The following ATXN7L1 variants were observed in gnomAD, a reference collection of about 807,000 sequenced individuals.
ATXN7L1 encodes the protein ataxin-7-like protein 1.
In ATXN7L1, 15 loss-of-function variants were observed where a neutral mutation model predicts 70.8. The ratio of observed to expected loss-of-function variants is 0.21; its 90% CI spans 0.14 to 0.33. The LOEUF (loss-of-function observed/expected upper bound fraction) is 0.33. Ranked by LOEUF, ATXN7L1 falls within the 10% of genes least tolerant of loss-of-function variation. The probability of loss-of-function intolerance (pLI) is 1.00; values close to 1 mark genes in which losing one functional copy is unlikely to be tolerated. For synonymous variants in ATXN7L1, 440 were observed against 445.1 expected (o/e 0.99, Z 0.14); for missense variants, 975 against 1,097.1 (o/e 0.89, Z 1.57).
intron 3 of ATXN7L1, among the ~76,000 whole-genome samples, chr7:105,695,052 G>A (rs1174092518): frequency 6.6e-6 from 1 of 152,142 alleles, no homozygotes; most frequent in Non-Finnish European, 1.5e-5. Context: ...TCAGGAGGCT[G>A]AGGCAGGAGA....
At chr7:105,620,149 G>T in intron 9 of ATXN7L1, 51 bp downstream of exon 9, 1 of 1,542,512 alleles carries the variant, frequency 6.5e-7, no homozygotes, top group Non-Finnish European at 8.8e-7. Flanking sequence ...TAAGTTTCAG[G>T]TAACTGTGGG....
intron 2 of ATXN7L1, among the ~76,000 whole-genome samples, chr7:105,858,521 G>A (rs62482803): frequency 0.21 from 32,547 of 152,106 alleles, 3,987 homozygotes; most frequent in East Asian, 0.39. Flanking sequence ...CCTTTTGGGG[G>A]ACAGGATATT....
chr7:105,694,703 T>C (rs1164403059), intron 3 of ATXN7L1, among the ~76,000 whole-genome samples: 17 of 152,210 alleles, frequency 1.1e-4, no homozygotes, highest in Non-Finnish European at 2.5e-4. Context: ...AACTGGGATT[T>C]GGAGAGGCTA....
intron 3 of ATXN7L1, among the ~76,000 whole-genome samples, chr7:105,719,517 A>G (rs958649767): frequency 5.9e-5 from 9 of 152,032 alleles, no homozygotes; most frequent in Non-Finnish European, 1.0e-4. Context: ...CTGGGTTGAG[A>G]TTCCCTAGCC....
intron 2 of ATXN7L1, among the ~76,000 whole-genome samples, chr7:105,839,741 G>A (rs1262249334): frequency 2.0e-5 from 3 of 152,094 alleles, no homozygotes; most frequent in Non-Finnish European, 4.4e-5. Context: ...AACACCCATG[G>A]GAAAATACAC....
chr7:105,809,867 C>A (rs1428235222), intron 2 of ATXN7L1, among the ~76,000 whole-genome samples: 2 of 151,940 alleles, frequency 1.3e-5, no homozygotes, highest in African/African-American at 2.4e-5. Flanking sequence ...ACCTCCTGGG[C>A]TCAAGTGATC....
rs1007568700 is a variant in ATXN7L1 at position 105,819,308 on chromosome 7, C to T, written c.251-30600G>A. 2.6e-5 allele frequency among the ~76,000 whole-genome samples: 4 copies of T among 151,936 alleles called. No homozygotes were observed. In the South Asian group the frequency reaches 6.2e-4, roughly 24 times the overall value. On this transcript the variant is annotated intron_variant, in intron 2 of 11. Coordinates refer to ENST00000419735, the MANE Select transcript of ATXN7L1 (RefSeq NM_020725.2). ...CCCTTCAAAGAGTGATAGCCTCATA[C>T]GAGTTTGTACATTTGTTTTATGAAG...
chr7:105,779,525 CT>C (rs911185670), intron 3 of ATXN7L1, among the ~76,000 whole-genome samples: 1 of 152,110 alleles, frequency 6.6e-6, no homozygotes, highest in Non-Finnish European at 1.5e-5. Context: ...TGGGATAATC[CT>C]TCGTTAATCA....
At chr7:105,729,894 C>A (rs574977743) in intron 3 of ATXN7L1, among the ~76,000 whole-genome samples, 2 of 152,070 alleles carry the variant, frequency 1.3e-5, no homozygotes, top group East Asian at 1.9e-4. Context: ...CCTGCCACCA[C>A]GCCCAGCTAA....
At chr7:105,760,205 T>G (rs1800367424) in intron 3 of ATXN7L1, 1 of 984,786 alleles carries the variant, frequency 1.0e-6, no homozygotes, top group Non-Finnish European at 1.2e-6. Flanking sequence ...ATCCAATAGA[T>G]GTTTAATGAC....
At chr7:105,646,611 T>C (rs1432961183) in intron 4 of ATXN7L1, among the ~76,000 whole-genome samples, 3 of 151,862 alleles carry the variant, frequency 2.0e-5, no homozygotes, top group Non-Finnish European at 4.4e-5. Context: ...AGAGATGGGG[T>C]TTCACCATGT....
chr7:105,746,970 T>C lies in ATXN7L1; in HGVS notation c.355+41634A>G, dbSNP rs186125886. On this transcript the variant is annotated intron_variant, in intron 3 of 11. Transcript: ENST00000419735. ...TCTGTGATTTTTTTGAATTTTGTAGTAGATACATGCGCTATCTGTCCAATG... is the reference window on the plus strand; with the variant it reads ...TCTGTGATTTTTTTGAATTTTGTAGCAGATACATGCGCTATCTGTCCAATG... Among the ~76,000 whole-genome samples the C allele has an allele frequency of 2.7e-3, 416 of 152,346 alleles. 1 individual carries two copies. The highest frequency in any genetic ancestry group is 9.7e-3 in the African/African-American group (405 of 41,572).
At chr7:105,680,163 G>C (rs1805345483) in intron 3 of ATXN7L1, among the ~76,000 whole-genome samples, 1 of 152,044 alleles carries the variant, frequency 6.6e-6, no homozygotes, top group Admixed American at 6.5e-5. Context: ...TTTGGACTGT[G>C]GGGAGACAGC....
chr7:105,760,407 A>G, intron 3 of ATXN7L1: 3 of 977,644 alleles, frequency 3.1e-6, no homozygotes, highest in Non-Finnish European at 3.6e-6. Flanking sequence ...AAAACAGCAC[A>G]GCCAGCAGGT....
chr7:105,648,131 G>A (rs899263926), intron 4 of ATXN7L1, among the ~76,000 whole-genome samples: 9 of 152,240 alleles, frequency 5.9e-5, no homozygotes, highest in Non-Finnish European at 1.3e-4. Flanking sequence ...GAACACCTCT[G>A]ATGTGAGGTA....
intron 3 of ATXN7L1, among the ~76,000 whole-genome samples, chr7:105,771,086 G>A (rs1584963212): frequency 6.6e-6 from 1 of 152,120 alleles, no homozygotes; most frequent in East Asian, 1.9e-4. Flanking sequence ...TGTAATCCTA[G>A]CTATTCAAGA....
chr7:105,659,396 G>A (rs191370728), intron 4 of ATXN7L1, among the ~76,000 whole-genome samples: 7 of 152,324 alleles, frequency 4.6e-5, no homozygotes, highest in African/African-American at 1.4e-4. Context: ...TTTCCATACA[G>A]GAGGCCCTGC....
At chr7:105,636,994 A>G (rs1437443029) in intron 7 of ATXN7L1, among the ~76,000 whole-genome samples, 1 of 152,218 alleles carries the variant, frequency 6.6e-6, no homozygotes, top group African/African-American at 2.4e-5. Flanking sequence ...ACTCTAAAAC[A>G]AGGGTAATAT....
chr7:105,751,861 A>G (rs1197294235), intron 3 of ATXN7L1, among the ~76,000 whole-genome samples: 1 of 152,210 alleles, frequency 6.6e-6, no homozygotes, highest in Non-Finnish European at 1.5e-5. Flanking sequence ...CTGCCTTTCC[A>G]TGGATCAAAA....
Sources: gnomAD v4.1 joint callset for allele counts (sites outside exome capture counted in the v4.1 genomes callset) on GRCh38, gnomAD v4.1.1 for gene constraint, MANE v1.5 for transcripts, NCBI Gene and HGNC (gene_info 2026-07-23, HGNC 2026-07-21) for gene names.